MDFIC2: variants seen among roughly 807,000 people sequenced by gnomAD.
MDFIC2 encodes the protein myoD family inhibitor domain-containing protein 2.
chr3:70,286,293 C>A (rs965442574), intron 2 of MDFIC2, among the ~76,000 whole-genome samples: 1 of 152,134 alleles, frequency 6.6e-6, no homozygotes, highest in African/African-American at 2.4e-5. Context: ...CCAGTTTTCC[C>A]AGCACCGTTT....
intron 2 of MDFIC2, among the ~76,000 whole-genome samples, chr3:70,243,469 T>C (rs1701679505): frequency 6.6e-6 from 1 of 152,176 alleles, no homozygotes; most frequent in African/African-American, 2.4e-5. Context: ...TCCTACTCAC[T>C]GCACTGCTGC....
chr3:70,210,340 T>G (rs1416587643), intron 2 of MDFIC2, among the ~76,000 whole-genome samples: 2 of 152,134 alleles, frequency 1.3e-5, no homozygotes, highest in Non-Finnish European at 2.9e-5. Flanking sequence ...ATATTTTTAT[T>G]TTTTCTCATT....
intron 2 of MDFIC2, among the ~76,000 whole-genome samples, chr3:70,293,168 T>C (rs2106695023): frequency 6.6e-6 from 1 of 150,894 alleles, no homozygotes; most frequent in South Asian, 2.1e-4. Context: ...TCAGCTCCCA[T>C]CAGTCCAATT....
chr3:70,195,834 T>C lies in MDFIC2; in HGVS notation c.*1092A>G, dbSNP rs541908945. ...AAAGTAACTTTAACCTAGATGTGTT[T>C]TCACCACAAACTGTTTAAACTTATT... On this transcript the variant is annotated 3_prime_UTR_variant, in exon 4 of 4. Coordinates refer to ENST00000567252, the MANE Select transcript of MDFIC2 (RefSeq NM_001364677.1). Among the ~76,000 whole-genome samples, 1 of 152,230 alleles carries C rather than the reference T, an allele frequency of 6.6e-6. No individual in the cohort carries two copies. The highest frequency in any genetic ancestry group is 2.4e-5 in the African/African-American group (1 of 41,462).
chr3:70,231,338 G>A (rs1287803409), intron 2 of MDFIC2, among the ~76,000 whole-genome samples: 1 of 152,188 alleles, frequency 6.6e-6, no homozygotes, highest in Non-Finnish European at 1.5e-5. Flanking sequence ...TAGACAAGCA[G>A]CCCGCCATCT....
intron 2 of MDFIC2, among the ~76,000 whole-genome samples, chr3:70,286,655 G>A (rs1407282277): frequency 1.3e-5 from 2 of 151,982 alleles, no homozygotes; most frequent in Non-Finnish European, 2.9e-5. Context: ...TGGGCAGTGT[G>A]GCCATTTTCA....
rs1409487746 is a variant in MDFIC2, at chr3:70,225,914, G to C, written c.89-19124C>G. Among the ~76,000 whole-genome samples, 3 of 152,126 alleles carry C rather than the reference G, an allele frequency of 2.0e-5. No homozygotes were observed. The East Asian group carries it at 5.8e-4, about 29-fold the overall frequency. ...TTAAGAATTATGTTATCAAATCTTT[G>C]TTCCCTCGCCATCTACCAAGTGGTC... is the stretch of plus-strand genomic sequence containing the variant. On this transcript the variant is annotated intron_variant, in intron 2 of 3. Coordinates refer to ENST00000567252, the MANE Select transcript of MDFIC2 (RefSeq NM_001364677.1).
intron 2 of MDFIC2, 94 bp from the exon 3 acceptor site, chr3:70,206,884 C>G (rs1701296666): frequency 2.5e-6 from 1 of 395,420 alleles, no homozygotes; most frequent in East Asian, 3.6e-5. Flanking sequence ...TTTGACTTTC[C>G]TAAGATTAAA....
chr3:70,232,739 T>C (rs909970135), intron 2 of MDFIC2, among the ~76,000 whole-genome samples: 2 of 152,178 alleles, frequency 1.3e-5, no homozygotes, highest in Non-Finnish European at 2.9e-5. Context: ...TAAATACGTA[T>C]TGTTTTTACC....
intron 2 of MDFIC2, among the ~76,000 whole-genome samples, chr3:70,232,588 C>T (rs895452954): frequency 6.6e-6 from 1 of 151,760 alleles, no homozygotes; most frequent in Non-Finnish European, 1.5e-5. Context: ...TTGATAGAGA[C>T]GGGGTTTCAC....
At chr3:70,201,967 G>T (rs1159276795) in intron 3 of MDFIC2, among the ~76,000 whole-genome samples, 1 of 152,204 alleles carries the variant, frequency 6.6e-6, no homozygotes, top group Non-Finnish European at 1.5e-5. Flanking sequence ...GTCTTAGGCA[G>T]TGGTTTTATC....
chr3:70,297,874 A>G (rs1202448677), intron 2 of MDFIC2, among the ~76,000 whole-genome samples: 1 of 152,154 alleles, frequency 6.6e-6, no homozygotes, highest in Non-Finnish European at 1.5e-5. Context: ...TGAAAAGTAC[A>G]GTTGATGCAT....
intron 2 of MDFIC2, among the ~76,000 whole-genome samples, chr3:70,240,391 T>C (rs911254003): frequency 3.9e-4 from 60 of 152,062 alleles, no homozygotes; most frequent in African/African-American, 1.4e-3. Flanking sequence ...AGCTATGTGG[T>C]TTTTTGTCTT....
intron 2 of MDFIC2, among the ~76,000 whole-genome samples, chr3:70,308,066 T>C (rs1702419912): frequency 6.6e-6 from 1 of 152,152 alleles, no homozygotes; most frequent in Non-Finnish European, 1.5e-5. Context: ...TTTTATTTTA[T>C]TTTGAATCAG....
intron 2 of MDFIC2, among the ~76,000 whole-genome samples, chr3:70,227,199 G>T (rs1426249630): frequency 6.6e-6 from 1 of 152,132 alleles, no homozygotes; most frequent in Non-Finnish European, 1.5e-5. Flanking sequence ...GATGGAGGAT[G>T]AATTAGAAAG....
chr3:70,201,536 CCT>C (rs1701239480), intron 3 of MDFIC2, among the ~76,000 whole-genome samples: 1 of 152,102 alleles, frequency 6.6e-6, no homozygotes, highest in South Asian at 2.1e-4. Context: ...TCCAGATCAC[CCT>C]GAGTTGAGTA....
chr3:70,248,737 G>A (rs966926768), intron 2 of MDFIC2, among the ~76,000 whole-genome samples: 2 of 152,058 alleles, frequency 1.3e-5, no homozygotes, highest in Non-Finnish European at 2.9e-5. Context: ...GTGAACAAAA[G>A]AACTCAACAG....
At chr3:70,238,379 C>A (rs1394897085) in intron 2 of MDFIC2, among the ~76,000 whole-genome samples, 2 of 151,892 alleles carry the variant, frequency 1.3e-5, no homozygotes, top group Admixed American at 6.6e-5. Flanking sequence ...GAGGCTGAGG[C>A]AAGAGGATCA....
At chr3:70,202,802 C>G (rs1701253935) in intron 3 of MDFIC2, among the ~76,000 whole-genome samples, 1 of 152,030 alleles carries the variant, frequency 6.6e-6, no homozygotes, top group Admixed American at 6.6e-5. Flanking sequence ...AACACAGCTT[C>G]CAGAGGTGTT....
Sources: gnomAD v4.1 joint callset for allele counts (sites outside exome capture counted in the v4.1 genomes callset) on GRCh38, gnomAD v4.1.1 for gene constraint, MANE v1.5 for transcripts, NCBI Gene and HGNC (gene_info 2026-07-23, HGNC 2026-07-21) for gene names.